TOR3A: variants seen among roughly 807,000 people sequenced by gnomAD.
TOR3A encodes torsin family 3 member A, also known as torsin-3A.
In TOR3A, 44 loss-of-function variants were observed where a neutral mutation model predicts 42.1. The ratio of observed to expected loss-of-function variants is 1.04; its 90% CI spans 0.82 to 1.34. The LOEUF is 1.34. TOR3A is among the 40% of genes most tolerant of loss of function. The probability of loss-of-function intolerance (pLI) is 0.00; values close to 1 mark genes in which losing one functional copy is unlikely to be tolerated. For missense variants in TOR3A, 521 were observed against 507.6 expected (o/e 1.03, Z -0.25); for synonymous variants, 227 against 213.2 (o/e 1.06, Z -0.57).
rs981824177 is a variant in TOR3A at position 179,094,271 on chromosome 1, ATG to A, written c.943+58_943+59del. ...TGAGAGCCACAGCTGGTGATAATTA[ATG>A]TGTTTGTTGGAATGTGTGTTTATGA... On this transcript the variant is annotated intron_variant, in intron 5 of 5. Coordinates refer to ENST00000367627, the MANE Select transcript of TOR3A (RefSeq NM_022371.4). 201 of 1,576,142 alleles carry A rather than the reference ATG, an allele frequency of 1.3e-4. 3 individuals carry two copies. The South Asian group carries it at 1.5e-3, about 12-fold the overall frequency.
In TOR3A at chr1:179,095,262, A is replaced by T; in HGVS notation, c.*44A>T. The T allele has an allele frequency of 6.2e-7, 1 of 1,609,676 alleles. No homozygotes were observed. The highest frequency in any genetic ancestry group is 1.7e-5 in the Admixed American group (1 of 59,806). On this transcript the variant is annotated 3_prime_UTR_variant, in exon 6 of 6. Coordinates refer to ENST00000367627, the MANE Select transcript of TOR3A (RefSeq NM_022371.4). ...CTGGAACTGCCTTTCTTCCACTAACAGGACCCTGGGACCTGTAGGAGCACC... is the reference window on the plus strand; with the variant it reads ...CTGGAACTGCCTTTCTTCCACTAACTGGACCCTGGGACCTGTAGGAGCACC...
chr1:179,092,697 T>C (rs1256180236), intron 4 of TOR3A, among the ~76,000 whole-genome samples: 1 of 152,130 alleles, frequency 6.6e-6, no homozygotes, highest in African/African-American at 2.4e-5. Context: ...AAAAATTAGC[T>C]GGGCATTGTG....
rs1463076608 is a variant in TOR3A, at chr1:179,088,075, CT to C, written c.807del (p.Leu270CysfsTer10). On this transcript the variant is annotated frameshift_variant, in exon 4 of 6. Transcript: ENST00000367627. LOFTEE classifies it high-confidence loss of function. ...ACAGGGCTGAGTCTCCATGGACTAT[CT>C]TTCTGTTTCTCAGGTGGGTTCTGGG... ...GHRAESPWTI[F>X]LFLSNLRGDI... The C allele has an allele frequency of 6.3e-7, 1 of 1,590,932 alleles. No individual in the cohort carries two copies. The highest frequency in any genetic ancestry group is 8.5e-7 in the Non-Finnish European group (1 of 1,170,726).
intron 1 of TOR3A, 90 bp from the exon 2 acceptor site, chr1:179,082,850 C>T: frequency 1.2e-6 from 1 of 866,760 alleles, no homozygotes; most frequent in Non-Finnish European, 1.9e-6. Context: ...GGGTGTCCCT[C>T]TGTCCCTGAC....
intron 4 of TOR3A, among the ~76,000 whole-genome samples, chr1:179,089,266 A>G (rs1212870746): frequency 6.0e-5 from 9 of 150,966 alleles, no homozygotes; most frequent in Non-Finnish European, 1.3e-4. Flanking sequence ...GGTTGCAGTG[A>G]GCTGAGATCA....
rs371068384 is a variant in TOR3A, at chr1:179,093,628, C to T, written c.819-465C>T. Among the ~76,000 whole-genome samples, 8 of 152,344 alleles carry T rather than the reference C, an allele frequency of 5.3e-5. No homozygotes were observed. The East Asian group carries it at 7.7e-4, about 15-fold the overall frequency. On this transcript the variant is annotated intron_variant, in intron 4 of 5. Transcript: ENST00000367627. ...CTTTCATGCCTGTGCTCCTCTGGCG[C>T]ACCCAGGCCTAGACACTTCCCTTCC...
Position 179,087,293 on chromosome 1 carries a change from CCAGT to C in TOR3A, c.640-612_640-609del, listed in dbSNP as rs1212767682. ...GAGCCAAGTTGGATGTTGGTTAGGC[CCAGT>C]CAGTCCTTCAGCAGGCTTGCTCCCC... On this transcript the variant is annotated intron_variant, in intron 3 of 5. Transcript: ENST00000367627. Among the ~76,000 whole-genome samples the C allele has an allele frequency of 2.6e-5, 4 of 152,182 alleles. No individual in the cohort carries two copies. The East Asian group carries it at 5.8e-4, about 22-fold the overall frequency.
At chr1:179,091,197 G>A (rs1363518880) in intron 4 of TOR3A, among the ~76,000 whole-genome samples, 3 of 152,206 alleles carry the variant, frequency 2.0e-5, no homozygotes, top group African/African-American at 7.2e-5. Context: ...AGGGATAAGG[G>A]CTGGTGAGAT....
chr1:179,095,269 T>TGGGACCTGTAGGAGCACCCC lies in TOR3A; in HGVS notation c.*53_*72dup. On this transcript the variant is annotated 3_prime_UTR_variant, in exon 6 of 6. Coordinates refer to ENST00000367627, the MANE Select transcript of TOR3A (RefSeq NM_022371.4). ...TGCCTTTCTTCCACTAACAGGACCC[T>TGGGACCTGTAGGAGCACCCC]GGGACCTGTAGGAGCACCCCGTTTG... 1 of 1,606,920 alleles carries TGGGACCTGTAGGAGCACCCC rather than the reference T, an allele frequency of 6.2e-7. No homozygotes were observed. The highest frequency in any genetic ancestry group is 8.5e-7 in the Non-Finnish European group (1 of 1,176,920).
chr1:179,085,523 C>G (rs1272446011), intron 2 of TOR3A, 105 bp from the exon 3 acceptor site: 2 of 1,440,182 alleles, frequency 1.4e-6, no homozygotes, highest in Non-Finnish European at 1.9e-6. Context: ...GTAACTGATT[C>G]CACCCGAGAG....
rs772122940 is a variant in TOR3A, at chr1:179,094,230, C to G, written c.943+13C>G. ...GTGGAGACCATAGGTGAGTAACTGA[C>G]TCAATATGCCTCTGGTGAGAGCCAC... is the stretch of plus-strand genomic sequence containing the variant. On this transcript the variant is annotated intron_variant, in intron 5 of 5. Transcript: ENST00000367627. 6.2e-7 allele frequency: 1 copy of G among 1,607,388 alleles called. No individual in the cohort carries two copies. The highest frequency in any genetic ancestry group is 8.5e-7 in the Non-Finnish European group (1 of 1,177,662).
chr1:179,087,129 AG>A (rs1303151375), intron 3 of TOR3A, among the ~76,000 whole-genome samples: 2 of 152,234 alleles, frequency 1.3e-5, no homozygotes, highest in African/African-American at 4.8e-5. Context: ...CCCAGTAGAC[AG>A]GGAGTGTGGG....
intron 4 of TOR3A, among the ~76,000 whole-genome samples, chr1:179,091,288 T>A (rs913376297): frequency 6.6e-6 from 1 of 152,124 alleles, no homozygotes; most frequent in Admixed American, 6.5e-5. Context: ...TTCCCAGCGA[T>A]CCAGGTCAGC....
chr1:179,087,029 G>A (rs1652454878), intron 3 of TOR3A, among the ~76,000 whole-genome samples: 1 of 152,204 alleles, frequency 6.6e-6, no homozygotes, highest in Non-Finnish European at 1.5e-5. Flanking sequence ...GGCTTAGACT[G>A]TGGCAAGACT....
chr1:179,094,168 G>A lies in TOR3A; in HGVS notation c.894G>A (p.Thr298=), dbSNP rs371957180. 58 of 1,613,980 alleles carry A rather than the reference G, an allele frequency of 3.6e-5. 1 individual carries two copies. The highest frequency in any genetic ancestry group is 1.8e-4 in the South Asian group (16 of 91,066). ...CTGGATGGTCCCGGGAAGAAATTAC[G>A]ATGGAACACCTGGAGCCCCACCTCC... ...LKAGWSREEI[T]MEHLEPHLQA... Residue 298 remains threonine, a synonymous_variant, in exon 5 of 6, where the codon ACG becomes ACA. Coordinates refer to ENST00000367627, the MANE Select transcript of TOR3A (RefSeq NM_022371.4).
At chr1:179,085,952 G>T (rs1652423822) in intron 3 of TOR3A, 59 bp downstream of exon 3, 11 of 1,570,838 alleles carry the variant, frequency 7.0e-6, no homozygotes, top group Non-Finnish European at 8.6e-6. Flanking sequence ...CCTTCTGCCA[G>T]CCCTTCCTTG....
At position 179,082,167 on chromosome 1, in the gene TOR3A, C is replaced by CCTG. The variant is rs1427230151; in HGVS notation, c.48_50dup (p.Leu17dup). 11 of 1,506,792 alleles carry CCTG rather than the reference C, an allele frequency of 7.3e-6. No individual in the cohort carries two copies. The allele number at this position is 1,506,792 out of a possible 1,614,324, so 93.3% of individuals were successfully genotyped here. A position where few individuals can be genotyped will look rare whatever the true frequency, so the allele number is the denominator to read the frequency against. On this transcript the variant is annotated inframe_insertion, in exon 1 of 6. Transcript: ENST00000367627. ...CGTGGCGCCAGCTTTGGCTCTTTTT[C>CCTG]CTGCTGCTGCTCCCGGGCGCGCCTG...
rs1317781615 is a variant in TOR3A, at chr1:179,093,497, G to C, written c.819-596G>C. Among the ~76,000 whole-genome samples the C allele has an allele frequency of 2.0e-5, 3 of 152,106 alleles. No homozygotes were observed. The South Asian group carries it at 6.2e-4, about 32-fold the overall frequency. On this transcript the variant is annotated intron_variant, in intron 4 of 5. Transcript: ENST00000367627. The stretch of plus-strand genomic sequence containing the variant: ...CCATCAGTTACAGGGTTTTTCAATT[G>C]TGCCTCCATAACTAATTCTTAAATC...
chr1:179,085,540 A>G, intron 2 of TOR3A, 88 bp from the exon 3 acceptor site: 1 of 1,521,332 alleles, frequency 6.6e-7, no homozygotes, highest in Non-Finnish European at 9.0e-7. Flanking sequence ...AGAGAGATTC[A>G]GAGTTGCTTG....
Sources: gnomAD v4.1 joint callset for allele counts (sites outside exome capture counted in the v4.1 genomes callset) on GRCh38, gnomAD v4.1.1 for gene constraint, MANE v1.5 for transcripts, NCBI Gene and HGNC (gene_info 2026-07-23, HGNC 2026-07-21) for gene names.